TCP11L2: variants seen among roughly 807,000 people sequenced by gnomAD.
The protein encoded by TCP11L2 is T-complex protein 11-like protein 2.
A neutral mutation model predicts 50.7 loss-of-function variants in TCP11L2; 39 were observed. The ratio of observed to expected loss-of-function variants is 0.77; its 90% CI spans 0.60 to 1.01. TCP11L2 has a LOEUF of 1.01. Among genes scored for constraint, TCP11L2 ranks in the 50% least tolerant of loss-of-function variants. The pLI, the probability that TCP11L2 is intolerant of heterozygous loss-of-function variation, is 0.00. For synonymous variants in TCP11L2, 192 were observed against 219.3 expected (o/e 0.88, Z 1.10); for missense variants, 612 against 614.7 (o/e 1.00, Z 0.05).
At chr12:106,344,101 T>C (rs2036165681) in intron 9 of TCP11L2, among the ~76,000 whole-genome samples, 1 of 151,728 alleles carries the variant, frequency 6.6e-6, no homozygotes, top group South Asian at 2.1e-4. Context: ...GGAGGATGGC[T>C]TGAGGCCAGG....
Position 106,314,576 on chromosome 12 carries a change from T to TGTGA in TCP11L2, c.293+84_293+85insTGAG, listed in dbSNP as rs1469308055. The TGTGA allele has an allele frequency of 3.2e-4, 89 of 282,520 alleles. 1 individual carries two copies. The East Asian group carries it at 4.2e-3, about 13-fold the overall frequency. 17.5% of individuals were successfully genotyped at this position (282,520 alleles called of 1,614,324 possible). A position where few individuals can be genotyped will look rare whatever the true frequency, so the allele number is the denominator to read the frequency against. ...GTGTGTGTGTGTGTGTGTGTGTGTG[T>TGTGA]GAGAGAGAGAGAGAGAGAGAGAGAG... On this transcript the variant is annotated intron_variant, in intron 3 of 9. Transcript: ENST00000299045.
At chr12:106,327,774 A>C (rs1052924466) in intron 6 of TCP11L2, among the ~76,000 whole-genome samples, 1 of 152,228 alleles carries the variant, frequency 6.6e-6, no homozygotes, top group Non-Finnish European at 1.5e-5. Flanking sequence ...GAAAATTAAT[A>C]CAGAGAAGTA....
rs71072670 is a variant in TCP11L2 at position 106,314,576 on chromosome 12, T to TGAGAGAGAGAGAGA, written c.293+96_293+109dup. On this transcript the variant is annotated intron_variant, in intron 3 of 9. Coordinates refer to ENST00000299045, the MANE Select transcript of TCP11L2 (RefSeq NM_152772.3). ...GTGTGTGTGTGTGTGTGTGTGTGTGTGAGAGAGAGAGAGAGAGAGAGAGAG... is the reference window on the plus strand; with the variant it reads ...GTGTGTGTGTGTGTGTGTGTGTGTGTGAGAGAGAGAGAGAGAGAGAGAGAGAGAGAGAGAGAGAG... 6 of 282,666 alleles carry TGAGAGAGAGAGAGA rather than the reference T, an allele frequency of 2.1e-5. No individual in the cohort carries two copies. The East Asian group carries it at 2.3e-4, about 11-fold the overall frequency. The allele number at this position is 282,666 out of a possible 1,614,324, so 17.5% of individuals were successfully genotyped here.
chr12:106,331,054 C>T (rs1247048264), intron 6 of TCP11L2, among the ~76,000 whole-genome samples: 2 of 152,176 alleles, frequency 1.3e-5, no homozygotes, highest in Non-Finnish European at 1.5e-5. Flanking sequence ...TCTAACTGGA[C>T]ATTGTCTTTA....
chr12:106,335,301 C>G (rs545795643), intron 6 of TCP11L2, among the ~76,000 whole-genome samples: 186 of 152,308 alleles, frequency 1.2e-3, no homozygotes, highest in African/African-American at 4.2e-3. Flanking sequence ...CCTCTTACCC[C>G]TAGTTCTTTA....
At chr12:106,318,276 G>A (rs1247932397) in intron 3 of TCP11L2, 68 bp from the exon 4 acceptor site, 34 of 1,526,904 alleles carry the variant, frequency 2.2e-5, no homozygotes, top group Non-Finnish European at 2.9e-5. Context: ...TCTACAATGA[G>A]GATGTTTCTT....
At chr12:106,310,313 A>G (rs993875349) in intron 1 of TCP11L2, among the ~76,000 whole-genome samples, 1 of 152,128 alleles carries the variant, frequency 6.6e-6, no homozygotes, top group African/African-American at 2.4e-5. Context: ...TGTGATGGGT[A>G]CTTTGTAAAT....
At chr12:106,341,305 C>G (rs1213882059) in intron 9 of TCP11L2, among the ~76,000 whole-genome samples, 1 of 152,226 alleles carries the variant, frequency 6.6e-6, no homozygotes, top group South Asian at 2.1e-4. Context: ...AACCAGCTGG[C>G]AGTATGTTCA....
At chr12:106,304,983 CAT>C (rs1305831738) in intron 1 of TCP11L2, among the ~76,000 whole-genome samples, 2 of 152,144 alleles carry the variant, frequency 1.3e-5, no homozygotes, top group Non-Finnish European at 2.9e-5. Flanking sequence ...CTTGCTACCA[CAT>C]GTGCAAGTGT....
At chr12:106,317,731 C>T (rs1468826430) in intron 3 of TCP11L2, among the ~76,000 whole-genome samples, 1 of 152,134 alleles carries the variant, frequency 6.6e-6, no homozygotes, top group African/African-American at 2.4e-5. Flanking sequence ...AAAACTATTG[C>T]TAAATGGTAG....
At chr12:106,313,695 T>C (rs1189654630) in intron 2 of TCP11L2, among the ~76,000 whole-genome samples, 1 of 151,632 alleles carries the variant, frequency 6.6e-6, no homozygotes. Flanking sequence ...AAAAATAATT[T>C]TATCAATTTC....
intron 6 of TCP11L2, 36 bp downstream of exon 6, chr12:106,323,682 AG>A (rs747724494): frequency 8.6e-7 from 1 of 1,169,550 alleles, no homozygotes; most frequent in South Asian, 2.6e-5. Context: ...TATTGAAATT[AG>A]GTTAAAATGA....
chr12:106,319,068 C>T (rs371733469), intron 4 of TCP11L2, among the ~76,000 whole-genome samples: 14 of 152,208 alleles, frequency 9.2e-5, no homozygotes, highest in South Asian at 2.1e-4. Flanking sequence ...CCCGCCACCG[C>T]GCCCAGCTAA....
intron 1 of TCP11L2, chr12:106,303,808 G>A (rs185467853): frequency 6.6e-6 from 1 of 152,274 alleles, no homozygotes; most frequent in East Asian, 1.9e-4. Flanking sequence ...AGATAGAGAC[G>A]CGGTTACTAA....
At chr12:106,315,428 A>G (rs149668781) in intron 3 of TCP11L2, among the ~76,000 whole-genome samples, 39 of 152,274 alleles carry the variant, frequency 2.6e-4, no homozygotes, top group Admixed American at 9.8e-4. Flanking sequence ...AAGAGGTCTT[A>G]TAATTTTATG....
Position 106,311,191 on chromosome 12 carries a change from G to T in TCP11L2, c.116G>T (p.Ser39Ile). 2.5e-6 allele frequency: 4 copies of T among 1,614,144 alleles called. No homozygotes were observed. Among genetic ancestry groups the T allele is most frequent in the Non-Finnish European group, 3.4e-6 (4 of 1,180,024 alleles). The change falls in exon 2 of 10, where the codon AGC becomes ATC. Residue 39 changes from serine (S) to isoleucine (I), a missense_variant. By Grantham distance (142) the Ser-to-Ile change is moderately radical. Transcript: ENST00000299045. ...AGTGACTATGAATGCTCCAGGCAGA[G>T]CTTTGCAAGTGACTCCTCCAGCAAA... ...SLSDYECSRQSFASDSSSKSS... is the reference protein window; with the variant it reads ...SLSDYECSRQIFASDSSSKSS...
At chr12:106,304,250 C>T (rs1248348937) in intron 1 of TCP11L2, 1 of 152,340 alleles carries the variant, frequency 6.6e-6, no homozygotes, top group East Asian at 1.9e-4. Context: ...ACAAAACAGA[C>T]CAGCAAGTGT....
intron 6 of TCP11L2, among the ~76,000 whole-genome samples, chr12:106,328,544 AAAAAC>A (rs779921301): frequency 5.3e-5 from 8 of 152,320 alleles, no homozygotes; most frequent in African/African-American, 1.7e-4. Flanking sequence ...TGTCTGTCTC[AAAAAC>A]AAAACAAAAC....
intron 6 of TCP11L2, among the ~76,000 whole-genome samples, chr12:106,328,475 C>T (rs1184793981): frequency 3.3e-5 from 5 of 152,130 alleles, no homozygotes; most frequent in South Asian, 2.1e-4. Flanking sequence ...ACCTGGGAGG[C>T]GGAGGCTGCA....
Sources: gnomAD v4.1 joint callset for allele counts (sites outside exome capture counted in the v4.1 genomes callset) on GRCh38, gnomAD v4.1.1 for gene constraint, MANE v1.5 for transcripts, NCBI Gene and HGNC (gene_info 2026-07-23, HGNC 2026-07-21) for gene names.